The following DYTN variants were observed in gnomAD, a reference collection of about 807,000 sequenced individuals.
The protein encoded by DYTN is dystrotelin.
In DYTN, 75 loss-of-function variants were observed where a neutral mutation model predicts 69.6. That is an observed-to-expected ratio of 1.08 (90% confidence interval 0.89 to 1.31). The LOEUF is 1.31. Among genes scored for constraint, DYTN ranks in the 50% most tolerant of loss-of-function variants. The pLI, the probability that DYTN is intolerant of heterozygous loss-of-function variation, is 0.00. For missense variants in DYTN, 726 were observed against 688.4 expected, an observed-to-expected ratio of 1.05 and a Z score of -0.61; for synonymous variants, 252 against 249.1, an observed-to-expected ratio of 1.01 and a Z score of -0.11.
chr2:206,713,330 C>A (rs886809567), intron 1 of DYTN, among the ~76,000 whole-genome samples: 1 of 152,130 alleles, frequency 6.6e-6, no homozygotes, highest in African/African-American at 2.4e-5. Context: ...TACAGTAGAT[C>A]TCTTGATTGG....
At chr2:206,660,915 A>G (rs1001028503) in intron 11 of DYTN, among the ~76,000 whole-genome samples, 65 of 151,836 alleles carry the variant, frequency 4.3e-4, no homozygotes, top group African/African-American at 1.5e-3. Context: ...CCCCCCTCCT[A>G]CCCCAAATTT....
chr2:206,703,480 AG>A (rs1348902826), intron 5 of DYTN, among the ~76,000 whole-genome samples: 1 of 152,200 alleles, frequency 6.6e-6, no homozygotes, highest in African/African-American at 2.4e-5. Flanking sequence ...AGTGCAGCTC[AG>A]AAGTATCTAT....
At chr2:206,716,374 A>G (rs540025261) in intron 1 of DYTN, among the ~76,000 whole-genome samples, 1 of 152,244 alleles carries the variant, frequency 6.6e-6, no homozygotes, top group South Asian at 2.1e-4. Context: ...CTGAATGTAT[A>G]TCCATCCAAC....
chr2:206,674,912 C>A (rs564159885), intron 9 of DYTN, among the ~76,000 whole-genome samples: 1 of 151,928 alleles, frequency 6.6e-6, no homozygotes, highest in African/African-American at 2.4e-5. Context: ...AAAACCATCT[C>A]GAGCCAACAA....
At chr2:206,684,873 G>T (rs560269272) in intron 9 of DYTN, among the ~76,000 whole-genome samples, 1 of 152,226 alleles carries the variant, frequency 6.6e-6, no homozygotes, top group South Asian at 2.1e-4. Context: ...AACCAGAAAT[G>T]TATTTTCTAA....
At chr2:206,662,828 T>C (rs1010333874) in intron 11 of DYTN, 75 bp downstream of exon 11, 3 of 1,536,108 alleles carry the variant, frequency 2.0e-6, no homozygotes, top group East Asian at 2.3e-5. Context: ...TGTTGGGCTG[T>C]TATAAAATCA....
intron 2 of DYTN, among the ~76,000 whole-genome samples, chr2:206,708,530 T>C (rs558049315): frequency 6.6e-6 from 1 of 152,342 alleles, no homozygotes; most frequent in East Asian, 1.9e-4. Context: ...GTGACTTAAA[T>C]AAAAACCTGG....
intron 9 of DYTN, among the ~76,000 whole-genome samples, chr2:206,680,321 T>C (rs1699737100): frequency 6.6e-6 from 1 of 152,130 alleles, no homozygotes; most frequent in Admixed American, 6.5e-5. Flanking sequence ...ATGATTCAAT[T>C]ACCTCCCACC....
rs1192449252 is a variant in DYTN, at chr2:206,668,405, G to T, written c.981-2376C>A. On this transcript the variant is annotated intron_variant, in intron 9 of 11. Transcript: ENST00000452335. ...TTTAAAGAAGAGATGCTTATGGGTT[G>T]TTTCTAGTAAATACAAATCACCTGG... 3.3e-5 allele frequency among the ~76,000 whole-genome samples: 5 copies of T among 152,304 alleles called. No homozygotes were observed. The East Asian group carries it at 9.6e-4, about 29-fold the overall frequency.
chr2:206,692,218 T>C (rs186044910), intron 9 of DYTN, among the ~76,000 whole-genome samples: 24 of 151,754 alleles, frequency 1.6e-4, no homozygotes, highest in Admixed American at 1.4e-3. Flanking sequence ...TCAGCTATGA[T>C]TGTGCCACTG....
intron 7 of DYTN, among the ~76,000 whole-genome samples, chr2:206,698,702 A>C (rs16838596): frequency 6.6e-6 from 1 of 152,062 alleles, no homozygotes; most frequent in Non-Finnish European, 1.5e-5. Context: ...TCTTTCTCTA[A>C]GATGGGATTT....
At chr2:206,708,253 C>A (rs1490784510) in intron 2 of DYTN, among the ~76,000 whole-genome samples, 2 of 152,126 alleles carry the variant, frequency 1.3e-5, no homozygotes, top group Non-Finnish European at 2.9e-5. Context: ...ATAGAGCTAA[C>A]CCCATAGCTT....
At position 206,710,474 on chromosome 2, in the gene DYTN, G is replaced by T. The variant is rs368214018; in HGVS notation, c.94+50C>A. 230 of 1,524,574 alleles carry T rather than the reference G, an allele frequency of 1.5e-4. 5 individuals are homozygous for T. In the South Asian group the frequency reaches 2.6e-3, roughly 17 times the overall value. 94.4% of individuals were successfully genotyped at this position (1,524,574 alleles called of 1,614,324 possible). On this transcript the variant is annotated intron_variant, in intron 2 of 11. Coordinates refer to ENST00000452335, the MANE Select transcript of DYTN (RefSeq NM_001093730.1). ...TTGTTTTCTCTATGAATTTTACATC[G>T]CACATCAAGCTCAGATTATTTCAAA...
At chr2:206,711,954 A>C (rs527655355) in intron 1 of DYTN, among the ~76,000 whole-genome samples, 1 of 152,316 alleles carries the variant, frequency 6.6e-6, no homozygotes, top group Non-Finnish European at 1.5e-5. Flanking sequence ...TCATATCTAG[A>C]AAAAATAACT....
At chr2:206,699,185 A>G (rs368539202) in intron 7 of DYTN, among the ~76,000 whole-genome samples, 5 of 152,148 alleles carry the variant, frequency 3.3e-5, no homozygotes, top group African/African-American at 4.8e-5. Context: ...ATGTAACTCA[A>G]TGCTTTGGGA....
chr2:206,707,332 G>A lies in DYTN; in HGVS notation c.266C>T (p.Thr89Ile), dbSNP rs780374558. 8 of 1,612,562 alleles carry A rather than the reference G, an allele frequency of 5.0e-6. No individual in the cohort carries two copies. Among genetic ancestry groups the A allele is most frequent in the Non-Finnish European group, 1.7e-6 (2 of 1,179,478 alleles). ...GQVHPRAPEL[T>I]LSLLTTMYNS... is the part of the protein sequence containing the mutation. ...GTACATTGTCGTGAGAAGGCTCAGAGTGAGTTCCGGAGCTCTGGGATGCAC... is the reference window on the plus strand; with the variant it reads ...GTACATTGTCGTGAGAAGGCTCAGAATGAGTTCCGGAGCTCTGGGATGCAC... Residue 89 changes from threonine to isoleucine, a missense_variant, in exon 3 of 12, where the codon ACT becomes ATT. Transcript: ENST00000452335.
chr2:206,679,528 C>T (rs974197947), intron 9 of DYTN, among the ~76,000 whole-genome samples: 4 of 152,152 alleles, frequency 2.6e-5, no homozygotes, highest in African/African-American at 9.7e-5. Flanking sequence ...TCTGAAAGAA[C>T]ATATAATATA....
At chr2:206,666,363 G>T (rs1266898620) in intron 9 of DYTN, among the ~76,000 whole-genome samples, 2 of 152,132 alleles carry the variant, frequency 1.3e-5, no homozygotes, top group African/African-American at 4.8e-5. Flanking sequence ...GATCAATATT[G>T]TTGACACTGT....
At chr2:206,693,485 A>G (rs1364652221) in intron 8 of DYTN, among the ~76,000 whole-genome samples, 162 bp from the exon 9 acceptor site, 2 of 152,178 alleles carry the variant, frequency 1.3e-5, no homozygotes, top group Admixed American at 6.5e-5. Context: ...ATTTCTTCAC[A>G]TTCTCATAGA....
Sources: gnomAD v4.1 joint callset for allele counts (sites outside exome capture counted in the v4.1 genomes callset) on GRCh38, gnomAD v4.1.1 for gene constraint, MANE v1.5 for transcripts, NCBI Gene and HGNC (gene_info 2026-07-23, HGNC 2026-07-21) for gene names.